Variants in MON2 observed in about 807,000 individuals in gnomAD.
The protein encoded by MON2 is MON2 regulator of endosome-to-Golgi trafficking.
A neutral mutation model predicts 208.6 loss-of-function variants in MON2; 84 were observed. The observed-to-expected ratio is 0.40, with a 90% CI of 0.34 to 0.48. The LOEUF (loss-of-function observed/expected upper bound fraction) is 0.48. Ranked by LOEUF, MON2 falls within the 20% of genes least tolerant of loss-of-function variation. The pLI is 0.59. For missense variants in MON2, 1,611 were observed against 2,015.4 expected (o/e 0.80, Z 3.84); for synonymous variants, 660 against 694.0 (o/e 0.95, Z 0.77).
Position 62,592,719 on chromosome 12 carries a change from A to G in MON2, c.5124A>G (p.Pro1708=). ...CTTTTAAGGATTTCATGCAGCCACCAGCATCCAGAGTTCAAAATGGAGAAT... is the reference window on the plus strand; with the variant it reads ...CTTTTAAGGATTTCATGCAGCCACCGGCATCCAGAGTTCAAAATGGAGAAT... The part of the protein sequence containing the change: ...LVPFKDFMQP[P]ASRVQNGES Residue 1708 remains proline (P), a synonymous_variant, in exon 35 of 35, where the codon CCA becomes CCG. Transcript: ENST00000393630. The G allele has an allele frequency of 1.9e-6, 3 of 1,600,588 alleles. No individual in the cohort carries two copies. The highest frequency in any genetic ancestry group is 2.6e-6 in the Non-Finnish European group (3 of 1,169,998).
chr12:62,569,957 T>G (rs1275640385), intron 29 of MON2, among the ~76,000 whole-genome samples: 2 of 152,182 alleles, frequency 1.3e-5, no homozygotes, highest in African/African-American at 4.8e-5. Context: ...ATATGAAAAT[T>G]TTTCTACTTT....
At position 62,564,676 on chromosome 12, in the gene MON2, C is replaced by T. The variant is rs369990871; in HGVS notation, c.4033-561C>T. Among the ~76,000 whole-genome samples the T allele has an allele frequency of 4.6e-5, 7 of 152,126 alleles. No individual in the cohort carries two copies. In the East Asian group the frequency reaches 5.8e-4, roughly 13 times the overall value. Reference sequence around the variant, plus strand: ...TAAAATATTTTATTTTAAATCAAATCGATATATTTAGATACATTTCACATT... The same window carrying T: ...TAAAATATTTTATTTTAAATCAAATTGATATATTTAGATACATTTCACATT... On this transcript the variant is annotated intron_variant, in intron 26 of 34. Coordinates refer to ENST00000393630, the MANE Select transcript of MON2 (RefSeq NM_015026.3).
intron 1 of MON2, among the ~76,000 whole-genome samples, chr12:62,467,547 G>A (rs1296071722): frequency 6.6e-6 from 1 of 152,182 alleles, no homozygotes; most frequent in African/African-American, 2.4e-5. Flanking sequence ...TGAAGTTCAT[G>A]AAGTGAGCCT....
rs963853784 is a variant in MON2, at chr12:62,600,325, G to C, written c.*7576G>C. On this transcript the variant is annotated 3_prime_UTR_variant, in exon 35 of 35. Transcript: ENST00000393630. Reference sequence around the variant, plus strand: ...TCACCAGACAACCACTGAATGTTAAGAATCTACTGTGTGCTAATAACTGTG... The same window carrying C: ...TCACCAGACAACCACTGAATGTTAACAATCTACTGTGTGCTAATAACTGTG... 1 of 152,190 alleles carries C rather than the reference G, an allele frequency of 6.6e-6. No individual in the cohort carries two copies. Among genetic ancestry groups the C allele is most frequent in the African/African-American group, 2.4e-5 (1 of 41,440 alleles). The allele number at this position is 152,190 out of a possible 1,614,324, so 9.4% of individuals were successfully genotyped here.
chr12:62,578,357 T>G (rs2074868519), intron 30 of MON2, 88 bp from the exon 31 acceptor site: 1 of 859,216 alleles, frequency 1.2e-6, no homozygotes, highest in Non-Finnish European at 1.8e-6. Flanking sequence ...AAGACATAAT[T>G]TTTTGACATT....
intron 33 of MON2, 148 bp downstream of exon 33, chr12:62,585,649 ATTCAC>A: frequency 1.6e-6 from 1 of 607,468 alleles, no homozygotes; most frequent in Non-Finnish European, 2.7e-6. Context: ...TGGTGTAAAT[ATTCAC>A]AGGTTTTCCT....
At chr12:62,513,841 T>C (rs1332690594) in intron 8 of MON2, among the ~76,000 whole-genome samples, 1 of 144,930 alleles carries the variant, frequency 6.9e-6, no homozygotes, top group Admixed American at 7.1e-5. Context: ...TCCCAGCTAC[T>C]GGGGAGGCTG....
intron 29 of MON2, among the ~76,000 whole-genome samples, chr12:62,570,722 CTTTTTTTTTTTTT>C (rs1192680038): frequency 4.0e-4 from 28 of 70,862 alleles, no homozygotes; most frequent in African/African-American, 1.4e-3. Context: ...TTTTCTTTTT[CTTTTTTTTTTTTT>C]TTTTTTTTTT....
chr12:62,588,435 T>A (rs765118252), intron 34 of MON2, among the ~76,000 whole-genome samples: 1 of 152,176 alleles, frequency 6.6e-6, no homozygotes, highest in African/African-American at 2.4e-5. Flanking sequence ...ATATTTCATA[T>A]ATTTTTAATG....
chr12:62,518,279 G>A (rs7978740), intron 8 of MON2, among the ~76,000 whole-genome samples: 99,659 of 152,058 alleles, frequency 0.66, 32,667 homozygotes, highest in Middle Eastern at 0.71. Flanking sequence ...TTTTGGGGGT[G>A]TATAAACATT....
intron 1 of MON2, among the ~76,000 whole-genome samples, chr12:62,476,663 C>G (rs1188375317): frequency 2.0e-5 from 3 of 152,014 alleles, no homozygotes; most frequent in Non-Finnish European, 4.4e-5. Flanking sequence ...TCTTGAATGC[C>G]TGACTTCAAA....
Position 62,585,274 on chromosome 12 carries a change from A to G in MON2, c.4700-20A>G. The stretch of plus-strand genomic sequence containing the variant: ...ATTGATTTAACTTCTATTAACCATC[A>G]AAATTTGTTAATTTTACAGAAGCAG... On this transcript the variant is annotated intron_variant, in intron 32 of 34. Transcript: ENST00000393630. 13 of 1,575,926 alleles carry G rather than the reference A, an allele frequency of 8.2e-6. No individual in the cohort carries two copies. Among genetic ancestry groups the G allele is most frequent in the South Asian group, 1.1e-5 (1 of 89,732 alleles).
In MON2 at chr12:62,546,038, T is replaced by A. The variant is rs536305018; in HGVS notation, c.2578-859T>A. The stretch of plus-strand genomic sequence containing the variant: ...AAGTTAAGAATGAAGGGTTTTCAGA[T>A]GCTGAAAGGGATAGACAGAGTGCTT... On this transcript the variant is annotated intron_variant, in intron 21 of 34. Coordinates refer to ENST00000393630, the MANE Select transcript of MON2 (RefSeq NM_015026.3). Among the ~76,000 whole-genome samples, 15 of 152,296 alleles carry A rather than the reference T, an allele frequency of 9.8e-5. 1 individual carries two copies. Among genetic ancestry groups the A allele is most frequent in the African/African-American group, 2.9e-4 (12 of 41,578 alleles).
chr12:62,590,337 C>G (rs889397725), intron 34 of MON2, among the ~76,000 whole-genome samples: 4 of 152,140 alleles, frequency 2.6e-5, no homozygotes, highest in Admixed American at 2.6e-4. Context: ...AAGCAGTCTG[C>G]CCACCTTGGC....
chr12:62,529,573 A>G (rs1211907950), intron 11 of MON2, among the ~76,000 whole-genome samples: 3 of 152,152 alleles, frequency 2.0e-5, no homozygotes, highest in African/African-American at 7.2e-5. Context: ...GATAATTCAT[A>G]TCTCATGAAA....
At chr12:62,502,608 T>C (rs1417790635) in intron 7 of MON2, among the ~76,000 whole-genome samples, 1 of 152,186 alleles carries the variant, frequency 6.6e-6, no homozygotes, top group Non-Finnish European at 1.5e-5. Flanking sequence ...ATGTGGTATG[T>C]GAGCTACTTG....
intron 30 of MON2, among the ~76,000 whole-genome samples, chr12:62,574,269 T>C (rs967023881): frequency 3.9e-5 from 6 of 152,202 alleles, no homozygotes; most frequent in African/African-American, 1.4e-4. Flanking sequence ...GGTGACATTA[T>C]CCATATTAAT....
In MON2 at chr12:62,600,018, C is replaced by G. The variant is rs532476447; in HGVS notation, c.*7269C>G. 1 of 152,242 alleles carries G rather than the reference C, an allele frequency of 6.6e-6. No individual in the cohort carries two copies. The highest frequency in any genetic ancestry group is 2.1e-4 in the South Asian group (1 of 4,828). The allele number at this position is 152,242 out of a possible 1,614,324, so 9.4% of individuals were successfully genotyped here. ...AATAACAGCATTGTGGTTAAGAGCCCAGAGTCTGGGGCCAGGCTTCTTAGA... is the reference window on the plus strand; with the variant it reads ...AATAACAGCATTGTGGTTAAGAGCCGAGAGTCTGGGGCCAGGCTTCTTAGA... On this transcript the variant is annotated 3_prime_UTR_variant, in exon 35 of 35. Coordinates refer to ENST00000393630, the MANE Select transcript of MON2 (RefSeq NM_015026.3).
rs774812545 is a variant in MON2 at position 62,588,115 on chromosome 12, G to A, written c.4949G>A (p.Ser1650Asn). The A allele has an allele frequency of 1.5e-5, 24 of 1,583,642 alleles. No individual in the cohort carries two copies. The highest frequency in any genetic ancestry group is 1.9e-5 in the Non-Finnish European group (22 of 1,155,288). The change falls in exon 34 of 35, where the codon AGT (serine) becomes AAT (asparagine). Residue 1650 changes from serine (S) to asparagine (N), a missense_variant. Physicochemically the swap from Ser to Asn is conservative, Grantham distance 46 (BLOSUM62 1). Coordinates refer to ENST00000393630, the MANE Select transcript of MON2 (RefSeq NM_015026.3). ...TEIIFVLKAVSTLIDSLKKTQ... is the reference protein window; with the variant it reads ...TEIIFVLKAVNTLIDSLKKTQ... ...ATTATATTTGTTTTAAAAGCAGTCA[G>A]TACTCTTATTGATTCACTTAAGAAA...
Sources: gnomAD v4.1 joint callset for allele counts (sites outside exome capture counted in the v4.1 genomes callset) on GRCh38, gnomAD v4.1.1 for gene constraint, MANE v1.5 for transcripts, NCBI Gene and HGNC (gene_info 2026-07-23, HGNC 2026-07-21) for gene names.